Variants in SYNE1 observed in about 807,000 individuals in gnomAD.
The protein encoded by SYNE1 is nesprin-1.
Under a neutral mutation model 1,111.0 loss-of-function variants are expected in SYNE1, and 616 were observed. That is an observed-to-expected ratio of 0.55 (90% CI 0.52 to 0.59). SYNE1 has a LOEUF of 0.59. SYNE1 is among the 20% of genes least tolerant of loss of function. The probability of loss-of-function intolerance (pLI) is 0.00; values close to 1 mark genes in which losing one functional copy is unlikely to be tolerated. For synonymous variants in SYNE1, 3,855 were observed against 3,825.8 expected, an observed-to-expected ratio of 1.01 and a Z score of -0.28; for missense variants, 10,006 against 10,417.0, an observed-to-expected ratio of 0.96 and a Z score of 1.72.
chr6:152,323,636 G>A lies in SYNE1; in HGVS notation c.15759C>T (p.Tyr5253=). 2 of 1,614,250 alleles carry A rather than the reference G, an allele frequency of 1.2e-6. No homozygotes were observed. Among genetic ancestry groups the A allele is most frequent in the African/African-American group, 1.3e-5 (1 of 75,064 alleles). ...CCAGCTCCAGAACGAACGTGTCGTG[G>A]TATTCAAGAAGAGTTAAGAGCTCTG... ...SKAELLTLLE[Y]HDTFVLELEQ... is the part of the protein sequence containing the mutation. The change falls in exon 82 of 146, where the codon TAC becomes TAT. Residue 5253 remains tyrosine, a synonymous_variant. Coordinates refer to ENST00000367255, the MANE Select transcript of SYNE1 (RefSeq NM_182961.4).
intron 3 of SYNE1, among the ~76,000 whole-genome samples, chr6:152,544,543 T>TAA (rs79123703): frequency 1.1e-3 from 151 of 138,104 alleles, no homozygotes; most frequent in African/African-American, 2.5e-3. Flanking sequence ...AGAAATGAGT[T>TAA]AAAAAAAAAA....
intron 51 of SYNE1, among the ~76,000 whole-genome samples, chr6:152,394,080 G>T (rs1323268967): frequency 6.6e-6 from 1 of 152,084 alleles, no homozygotes. Context: ...TGCGGTGTTT[G>T]GTTTTCTGTT....
At chr6:152,455,383 G>C in intron 24 of SYNE1, 43 bp downstream of exon 24, 2 of 1,587,588 alleles carry the variant, frequency 1.3e-6, no homozygotes, top group Non-Finnish European at 1.7e-6. Context: ...AAGGTTGTTT[G>C]TCCATGTATT....
At position 152,339,248 on chromosome 6, in the gene SYNE1, T is replaced by C; in HGVS notation, c.12344A>G (p.Glu4115Gly). Residue 4115 changes from glutamate (E) to glycine (G), a missense_variant, in exon 75 of 146, where the codon GAG (glutamate) becomes GGG (glycine). Physicochemically the swap from Glu to Gly is moderately conservative, Grantham distance 98. This residue lies in a region of SYNE1 where 4,955 missense variants were observed against 5,017.2 expected (regional missense o/e 0.99). Transcript: ENST00000367255. ...KTTAKDIQQTEQTIEQKLVQA... is the reference protein window; with the variant it reads ...KTTAKDIQQTGQTIEQKLVQA... Reference sequence around the variant, plus strand: ...GATTTTTCATTTTCTTACCGTTTGCTCTGTTTGTTGAATGTCTTTTGCTGT... The same window carrying C: ...GATTTTTCATTTTCTTACCGTTTGCCCTGTTTGTTGAATGTCTTTTGCTGT... 1 of 1,613,758 alleles carries C rather than the reference T, an allele frequency of 6.2e-7. No individual in the cohort carries two copies. The highest frequency in any genetic ancestry group is 1.7e-4 in the Middle Eastern group (1 of 6,052).
At chr6:152,274,620 G>A (rs1241867337) in intron 98 of SYNE1, among the ~76,000 whole-genome samples, 1 of 152,032 alleles carries the variant, frequency 6.6e-6, no homozygotes, top group Non-Finnish European at 1.5e-5. Flanking sequence ...TTTTGAGATG[G>A]AGTTTCACTC....
intron 130 of SYNE1, among the ~76,000 whole-genome samples, chr6:152,171,184 G>C (rs1431129809): frequency 6.6e-6 from 1 of 152,184 alleles, no homozygotes; most frequent in Non-Finnish European, 1.5e-5. Flanking sequence ...TCATTCTTCT[G>C]AGCTAGCTAC....
chr6:152,288,995 C>T (rs2094457961), intron 95 of SYNE1, among the ~76,000 whole-genome samples: 1 of 152,028 alleles, frequency 6.6e-6, no homozygotes, highest in Non-Finnish European at 1.5e-5. Flanking sequence ...CTTTTGGGGT[C>T]ATAAAAATGT....
intron 25 of SYNE1, chr6:152,453,269 T>A: frequency 1.7e-6 from 1 of 573,420 alleles, no homozygotes; most frequent in South Asian, 2.2e-5. Flanking sequence ...CAAGATTTAT[T>A]CAGCAGAGAG....
In SYNE1 at chr6:152,233,793, C is replaced by T. The variant is rs759673389; in HGVS notation, c.20700G>A (p.Glu6900=). Reference sequence around the variant, plus strand: ...ATCCTTTCTGTACCTGGTGGAGCTTCTCCTGGACGGCTGGGATATTGGTTA... The same window carrying T: ...ATCCTTTCTGTACCTGGTGGAGCTTTTCCTGGACGGCTGGGATATTGGTTA... ...DLLTNIPAVQ[E]KLHQLQMDKL... The change falls in exon 112 of 146, where the codon GAG becomes GAA. Residue 6900 remains glutamate, a synonymous_variant. Transcript: ENST00000367255. The T allele has an allele frequency of 1.9e-5, 30 of 1,614,072 alleles. 1 individual carries two copies. Among genetic ancestry groups the T allele is most frequent in the Non-Finnish European group, 2.3e-5 (27 of 1,180,048 alleles).
intron 140 of SYNE1, among the ~76,000 whole-genome samples, chr6:152,138,106 G>A (rs987742553): frequency 2.0e-5 from 3 of 152,060 alleles, no homozygotes; most frequent in Admixed American, 1.3e-4. Flanking sequence ...CTCTCACGTG[G>A]TACTTTGTCC....
At chr6:152,552,894 GT>G (rs2099352396) in intron 3 of SYNE1, among the ~76,000 whole-genome samples, 1 of 152,156 alleles carries the variant, frequency 6.6e-6, no homozygotes, top group African/African-American at 2.4e-5. Flanking sequence ...AGCTGCAGGG[GT>G]TTCCACATGA....
chr6:152,277,825 T>G, intron 98 of SYNE1: 2 of 518,214 alleles, frequency 3.9e-6, no homozygotes, highest in Non-Finnish European at 7.1e-6. Context: ...TCTCCTCTCA[T>G]TGTTACTTTC....
In SYNE1 at chr6:152,601,993, C is replaced by T. The variant is rs1052545547; in HGVS notation, c.67+26272G>A. On this transcript the variant is annotated intron_variant, in intron 3 of 145. Coordinates refer to ENST00000367255, the MANE Select transcript of SYNE1 (RefSeq NM_182961.4). ...CCCTGGGTCTCCACTCATTTTGATCCAGTGCCTGTGCTCCTTTGATGCCAA... is the reference window on the plus strand; with the variant it reads ...CCCTGGGTCTCCACTCATTTTGATCTAGTGCCTGTGCTCCTTTGATGCCAA... Among the ~76,000 whole-genome samples the T allele has an allele frequency of 3.3e-5, 5 of 152,036 alleles. 1 individual carries two copies. Among genetic ancestry groups the T allele is most frequent in the Non-Finnish European group, 5.9e-5 (4 of 68,012 alleles).
intron 45 of SYNE1, 81 bp from the exon 46 acceptor site, chr6:152,404,395 C>A: frequency 8.8e-7 from 1 of 1,131,732 alleles, no homozygotes; most frequent in Non-Finnish European, 1.3e-6. Flanking sequence ...GAAGAGCTAA[C>A]TTTGTCGAAA....
chr6:152,370,051 C>T (rs2097153781), intron 59 of SYNE1, among the ~76,000 whole-genome samples: 1 of 147,438 alleles, frequency 6.8e-6, no homozygotes. Flanking sequence ...GTCTGAAACA[C>T]TCCATCTTTT....
At chr6:152,348,397 C>T (rs918769003) in intron 72 of SYNE1, among the ~76,000 whole-genome samples, 29 of 152,214 alleles carry the variant, frequency 1.9e-4, no homozygotes, top group African/African-American at 6.7e-4. Context: ...TTAAAAATCA[C>T]GTTCTGGCCA....
intron 10 of SYNE1, among the ~76,000 whole-genome samples, chr6:152,500,943 T>C (rs912769555): frequency 7.2e-6 from 1 of 138,322 alleles, no homozygotes. Flanking sequence ...AGAGTGAGAC[T>C]CCATCTCAAA....
chr6:152,324,137 G>A (rs1219513436), intron 81 of SYNE1, among the ~76,000 whole-genome samples: 1 of 152,180 alleles, frequency 6.6e-6, no homozygotes, highest in African/African-American at 2.4e-5. Flanking sequence ...GGTGGCTCGT[G>A]CCTGTAATCC....
At chr6:152,237,081 T>C (rs1020641470) in intron 108 of SYNE1, 133 bp from the exon 109 acceptor site, 123 of 1,246,254 alleles carry the variant, frequency 9.9e-5, no homozygotes, top group Non-Finnish European at 1.3e-4. Context: ...GGGCCTTGCT[T>C]TGGGAAGCAA....
Sources: allele counts gnomAD v4.1 joint callset (sites outside exome capture counted in the v4.1 genomes callset), GRCh38; gene constraint gnomAD v4.1.1; regional missense constraint gnomAD v4.1.1; transcripts MANE v1.5; gene names NCBI Gene and HGNC (gene_info 2026-07-23, HGNC 2026-07-21).